MARCHF1: variants seen among roughly 807,000 people sequenced by gnomAD.
MARCHF1 encodes the protein E3 ubiquitin-protein ligase MARCHF1.
A neutral mutation model predicts 54.2 loss-of-function variants in MARCHF1; 40 were observed. That is an observed-to-expected ratio of 0.74 (90% CI 0.57 to 0.96). MARCHF1 has a LOEUF of 0.96. MARCHF1 is among the 40% of genes least tolerant of loss of function. The probability of loss-of-function intolerance (pLI) is 0.00; values close to 1 mark genes in which losing one functional copy is unlikely to be tolerated. For missense variants in MARCHF1, 586 were observed against 656.5 expected (o/e 0.89, Z 1.17); for synonymous variants, 236 against 236.3 (o/e 1.00, Z 0.01).
intron 1 of MARCHF1, among the ~76,000 whole-genome samples, chr4:164,322,407 A>G (rs1287005591): frequency 6.6e-6 from 1 of 151,694 alleles, no homozygotes. Context: ...GTAGCTCAAT[A>G]TTTAGTTTTT....
intron 2 of MARCHF1, among the ~76,000 whole-genome samples, chr4:164,096,357 C>A (rs965651402): frequency 2.0e-5 from 3 of 152,036 alleles, no homozygotes; most frequent in Non-Finnish European, 4.4e-5. Flanking sequence ...TAAATGGAAG[C>A]TAAATCTTGG....
rs573207239 is a variant in MARCHF1 at position 164,322,610 on chromosome 4, G to C, written c.-323+61260C>G. On this transcript the variant is annotated intron_variant, in intron 1 of 9. Coordinates refer to ENST00000514618, the MANE Select transcript of MARCHF1 (RefSeq NM_001394959.1). The stretch of plus-strand genomic sequence containing the variant: ...TAACTCAAAGGATAAATGCTTGAAG[G>C]GATGGATACTCCATTCTTCATGATG... Among the ~76,000 whole-genome samples, 9 of 152,030 alleles carry C rather than the reference G, an allele frequency of 5.9e-5. No homozygotes were observed. The South Asian group carries it at 1.9e-3, about 32-fold the overall frequency.
At chr4:163,559,449 G>A (rs1037257444) in intron 8 of MARCHF1, among the ~76,000 whole-genome samples, 4 of 152,112 alleles carry the variant, frequency 2.6e-5, no homozygotes, top group African/African-American at 9.7e-5. Context: ...GTCAAAGGAT[G>A]GAGGAAGAAG....
intron 5 of MARCHF1, among the ~76,000 whole-genome samples, chr4:163,623,206 T>C (rs1040631533): frequency 1.3e-5 from 2 of 152,180 alleles, no homozygotes; most frequent in Non-Finnish European, 2.9e-5. Flanking sequence ...ATGATAAGGC[T>C]AGTTCTGAGA....
rs183474720 is a variant in MARCHF1 at position 164,351,001 on chromosome 4, C to G, written c.-323+32869G>C. Among the ~76,000 whole-genome samples, 73 of 152,050 alleles carry G rather than the reference C, an allele frequency of 4.8e-4. 1 individual carries two copies. Among genetic ancestry groups the G allele is most frequent in the African/African-American group, 1.6e-3 (68 of 41,512 alleles). Reference sequence around the variant, plus strand: ...CTTTCCGAGTCAAAGAAAGGGGTGACGGACGCACCTGGAAAATCGGGTTAC... The same window carrying G: ...CTTTCCGAGTCAAAGAAAGGGGTGAGGGACGCACCTGGAAAATCGGGTTAC... On this transcript the variant is annotated intron_variant, in intron 1 of 9. Transcript: ENST00000514618.
intron 9 of MARCHF1, among the ~76,000 whole-genome samples, chr4:163,541,607 T>G (rs1259988552): frequency 6.6e-6 from 1 of 152,164 alleles, no homozygotes; most frequent in Admixed American, 6.5e-5. Context: ...GAACAACCAT[T>G]TACAGACATA....
chr4:163,630,944 A>G (rs1439352642), intron 5 of MARCHF1, among the ~76,000 whole-genome samples: 1 of 152,108 alleles, frequency 6.6e-6, no homozygotes. Flanking sequence ...GAAAGGGAGA[A>G]AAAAGAGAAA....
At chr4:164,217,740 A>G (rs547219226) in intron 1 of MARCHF1, among the ~76,000 whole-genome samples, 3 of 152,328 alleles carry the variant, frequency 2.0e-5, no homozygotes, top group African/African-American at 7.2e-5. Flanking sequence ...GCTCCAGAAC[A>G]GGGGCATCCC....
intron 1 of MARCHF1, among the ~76,000 whole-genome samples, chr4:164,226,297 G>T (rs1332544109): frequency 1.3e-5 from 2 of 151,886 alleles, no homozygotes; most frequent in Admixed American, 6.6e-5. Flanking sequence ...TATTCCAAGG[G>T]GTATCACCTC....
At chr4:164,341,734 C>A (rs1729937184) in intron 1 of MARCHF1, among the ~76,000 whole-genome samples, 1 of 152,138 alleles carries the variant, frequency 6.6e-6, no homozygotes, top group Admixed American at 6.6e-5. Flanking sequence ...CCTAATTAGT[C>A]CTTTAAGGCC....
At chr4:164,328,423 G>A (rs1008004207) in intron 1 of MARCHF1, among the ~76,000 whole-genome samples, 1 of 152,078 alleles carries the variant, frequency 6.6e-6, no homozygotes, top group East Asian at 1.9e-4. Flanking sequence ...TGAAAACTGT[G>A]TTTCGGTGTC....
intron 5 of MARCHF1, among the ~76,000 whole-genome samples, chr4:163,623,347 C>T (rs1741751641): frequency 6.6e-6 from 1 of 152,182 alleles, no homozygotes; most frequent in Admixed American, 6.5e-5. Context: ...AGGCAGTTGT[C>T]TCTGGTACAC....
intron 2 of MARCHF1, among the ~76,000 whole-genome samples, chr4:164,003,018 T>G (rs1460574043): frequency 6.6e-6 from 1 of 151,728 alleles, no homozygotes; most frequent in Non-Finnish European, 1.5e-5. Context: ...CAAAAAATGT[T>G]AAAGGAAATT....
intron 1 of MARCHF1, among the ~76,000 whole-genome samples, chr4:164,299,705 G>C (rs1734500991): frequency 6.6e-6 from 1 of 152,218 alleles, no homozygotes; most frequent in Middle Eastern, 3.4e-3. Flanking sequence ...ATGTTCTAAA[G>C]TCTGTCAACA....
intron 3 of MARCHF1, among the ~76,000 whole-genome samples, chr4:163,920,284 A>C (rs540644588): frequency 6.6e-6 from 1 of 152,184 alleles, no homozygotes; most frequent in Non-Finnish European, 1.5e-5. Flanking sequence ...TAATATTGTT[A>C]ATGTGTAAGA....
chr4:163,746,784 C>A (rs895197445), intron 4 of MARCHF1, among the ~76,000 whole-genome samples: 12 of 152,166 alleles, frequency 7.9e-5, no homozygotes, highest in African/African-American at 2.7e-4. Flanking sequence ...ATGTGACTGA[C>A]ATCTGTATCG....
At chr4:163,783,874 T>C (rs1040102064) in intron 4 of MARCHF1, among the ~76,000 whole-genome samples, 1 of 152,210 alleles carries the variant, frequency 6.6e-6, no homozygotes, top group African/African-American at 2.4e-5. Flanking sequence ...CTATTTCTCC[T>C]AGAACTATAG....
chr4:163,773,398 C>CT (rs1747214757), intron 4 of MARCHF1, among the ~76,000 whole-genome samples: 13 of 152,116 alleles, frequency 8.5e-5, no homozygotes, highest in Admixed American at 8.5e-4. Context: ...ATCACATATC[C>CT]TTTGAGCTGC....
intron 1 of MARCHF1, among the ~76,000 whole-genome samples, chr4:164,308,963 T>TAAAAAAAAAA (rs11322726): frequency 1.6e-5 from 2 of 124,436 alleles, no homozygotes; most frequent in African/African-American, 2.9e-5. Context: ...AAATAAAAGT[T>TAAAAAAAAAA]AAAAAAAAAA....
Sources: gnomAD v4.1 joint callset for allele counts (sites outside exome capture counted in the v4.1 genomes callset) on GRCh38, gnomAD v4.1.1 for gene constraint, MANE v1.5 for transcripts, NCBI Gene and HGNC (gene_info 2026-07-23, HGNC 2026-07-21) for gene names.